CD82: variants seen among roughly 807,000 people sequenced by gnomAD.
The protein encoded by CD82 is CD82 antigen.
Under a neutral mutation model 37.4 loss-of-function variants are expected in CD82, and 36 were observed. The ratio of observed to expected loss-of-function variants is 0.96; its 90% CI spans 0.74 to 1.27. CD82 has a LOEUF of 1.27. Ranked by LOEUF, CD82 falls within the 50% of genes most tolerant of loss-of-function variation. CD82 has a pLI of 0.00. For missense variants in CD82, 340 were observed against 347.0 expected, an observed-to-expected ratio of 0.98 and a Z score of 0.16; for synonymous variants, 158 against 137.4, an observed-to-expected ratio of 1.15 and a Z score of -1.05.
chr11:44,574,486 C>A (rs35224221), intron 1 of CD82, among the ~76,000 whole-genome samples: 6,346 of 152,280 alleles, frequency 0.042, 185 homozygotes, highest in Middle Eastern at 0.085. Context: ...AATCTTGTAG[C>A]AGAAGACCCC....
chr11:44,582,409 C>T (rs1386141661), intron 1 of CD82, among the ~76,000 whole-genome samples: 1 of 152,172 alleles, frequency 6.6e-6, no homozygotes, highest in Non-Finnish European at 1.5e-5. Context: ...CCTAACAGGA[C>T]CTATTCCCAG....
At chr11:44,606,157 T>C (rs1280077163) in intron 6 of CD82, 1 of 152,370 alleles carries the variant, frequency 6.6e-6, no homozygotes, top group African/African-American at 2.4e-5. Context: ...TGTGCCGCTG[T>C]GGCCTGAAGA....
intron 2 of CD82, 150 bp from the exon 3 acceptor site, chr11:44,594,493 C>A: frequency 1.6e-6 from 1 of 616,392 alleles, no homozygotes; most frequent in Non-Finnish European, 2.9e-6. Context: ...ACCTCATTTC[C>A]TAGCTGTGTG....
rs2115665 is a variant in CD82 at position 44,597,490 on chromosome 11, G to A, written c.64-2668G>A. Among the ~76,000 whole-genome samples, 23,454 of 152,286 alleles carry A rather than the reference G, an allele frequency of 0.15. 2,825 individuals carry two copies. The highest frequency in any genetic ancestry group is 0.52 in the East Asian group (2,686 of 5,160). On this transcript the variant is annotated intron_variant, in intron 3 of 9. Transcript: ENST00000227155. This position sits in a 1 kb window ranked among gnomAD's most constrained non-coding sequence, Gnocchi z 4.1. ...TCCTTTCTGGCTCTGCCACAGCCCC[G>A]TGGCTAATCCAGCCACATCTGACCA... is the stretch of plus-strand genomic sequence containing the variant.
rs777659141 is a variant in CD82, at chr11:44,594,838, G to C, written c.63+113G>C. On this transcript the variant is annotated intron_variant, in intron 3 of 9. Coordinates refer to ENST00000227155, the MANE Select transcript of CD82 (RefSeq NM_002231.4). ...GGCCGGGGATTGGGGGGATTTGGTG[G>C]GTAGGGACTGAGGACGAACTATCTC... 7 of 860,162 alleles carry C rather than the reference G, an allele frequency of 8.1e-6. No individual in the cohort carries two copies. In the Admixed American group the frequency reaches 1.3e-4, roughly 15 times the overall value. 53.3% of individuals were successfully genotyped at this position (860,162 alleles called of 1,614,324 possible). A position where few individuals can be genotyped will look rare whatever the true frequency, so the allele number is the denominator to read the frequency against.
At chr11:44,618,522 A>G in intron 8 of CD82, 118 bp from the exon 9 acceptor site, 1 of 1,082,528 alleles carries the variant, frequency 9.2e-7, no homozygotes, top group Non-Finnish European at 1.4e-6. Flanking sequence ...TTATTCAAGG[A>G]ACAGGCAGAG....
intron 1 of CD82, chr11:44,585,163 G>C (rs1853035497): frequency 2.2e-6 from 1 of 455,870 alleles, no homozygotes; most frequent in African/African-American, 2.0e-5. Flanking sequence ...AGGAGCAGCA[G>C]TGGTCATCTT....
At position 44,596,536 on chromosome 11, in the gene CD82, C is replaced by T. The variant is rs1853230134; in HGVS notation, c.63+1811C>T. Among the ~76,000 whole-genome samples, 9 of 152,298 alleles carry T rather than the reference C, an allele frequency of 5.9e-5. No individual in the cohort carries two copies. In the South Asian group the frequency reaches 1.9e-3, roughly 32 times the overall value. ...CCAGGGTGGCCCTTTCTGTCCTGCTCGCAAGTTGCCCTGTGGAACCAGGGA... is the reference window on the plus strand; with the variant it reads ...CCAGGGTGGCCCTTTCTGTCCTGCTTGCAAGTTGCCCTGTGGAACCAGGGA... On this transcript the variant is annotated intron_variant, in intron 3 of 9. Coordinates refer to ENST00000227155, the MANE Select transcript of CD82 (RefSeq NM_002231.4).
chr11:44,601,331 G>A lies in CD82; in HGVS notation c.136+1101G>A, dbSNP rs866546094. ...AGGCCTCCCCTCCAGGAGATGGAAA[G>A]CAAGGATGATCTACACTCTAGCCAC... is the stretch of plus-strand genomic sequence containing the variant. On this transcript the variant is annotated intron_variant, in intron 4 of 9. Coordinates refer to ENST00000227155, the MANE Select transcript of CD82 (RefSeq NM_002231.4). 1.1e-4 allele frequency among the ~76,000 whole-genome samples: 16 copies of A among 144,300 alleles called. No individual in the cohort carries two copies. The South Asian group carries it at 1.4e-3, about 12-fold the overall frequency. 94.7% of individuals were successfully genotyped at this position (144,300 alleles called of 152,430 possible).
At chr11:44,590,115 G>A (rs1853119077) in intron 2 of CD82, among the ~76,000 whole-genome samples, 1 of 151,718 alleles carries the variant, frequency 6.6e-6, no homozygotes, top group South Asian at 2.1e-4. Context: ...TTACAGGTGT[G>A]AGCCACCGCG....
In CD82 at chr11:44,594,645, A is replaced by G; in HGVS notation, c.-18A>G. ...CCTGCCTGCCTTCTCTCTTCCAGGA[A>G]GCTCCAGGACTGGCGGGATGGGCTC... On this transcript the variant is annotated splice_region_variant and 5_prime_UTR_variant, in exon 3 of 10. Transcript: ENST00000227155. 6.2e-7 allele frequency: 1 copy of G among 1,608,086 alleles called. No homozygotes were observed. The highest frequency in any genetic ancestry group is 8.5e-7 in the Non-Finnish European group (1 of 1,174,442).
intron 3 of CD82, chr11:44,594,990 G>C (rs1163867272): frequency 1.4e-5 from 7 of 507,332 alleles, no homozygotes; most frequent in Admixed American, 1.3e-4. Flanking sequence ...CTGGCGGTGG[G>C]TATGGGGAAG....
chr11:44,600,074 C>A, intron 3 of CD82, 84 bp from the exon 4 acceptor site: 1 of 1,433,904 alleles, frequency 7.0e-7, no homozygotes, highest in Non-Finnish European at 9.8e-7. Context: ...GCCCTGCCCA[C>A]CCTGACTTGG....
chr11:44,602,581 C>T (rs1853322771), intron 4 of CD82, among the ~76,000 whole-genome samples: 1 of 152,194 alleles, frequency 6.6e-6, no homozygotes, highest in Non-Finnish European at 1.5e-5. Context: ...GGCAGCAGAG[C>T]TGGGATTAGA....
At chr11:44,607,666 TACAA>T (rs1371067975) in intron 6 of CD82, among the ~76,000 whole-genome samples, 7 of 152,324 alleles carry the variant, frequency 4.6e-5, no homozygotes, top group South Asian at 4.1e-4. Context: ...TGTTCAAATT[TACAA>T]ACATTTTCCA....
Position 44,594,740 on chromosome 11 carries a change from T to C in CD82, c.63+15T>C. On this transcript the variant is annotated intron_variant, in intron 3 of 9. Transcript: ENST00000227155. ...TGATCTTCTTTGTAAGTATGTCCCA[T>C]GCCGTCCTGACCACCTCCGAAAAGA... The C allele has an allele frequency of 6.2e-7, 1 of 1,607,682 alleles. No individual in the cohort carries two copies. The highest frequency in any genetic ancestry group is 8.5e-7 in the Non-Finnish European group (1 of 1,174,162).
rs138793220 is a variant in CD82 at position 44,615,305 on chromosome 11, C to T, written c.370C>T (p.Leu124Phe). 85 of 1,613,268 alleles carry T rather than the reference C, an allele frequency of 5.3e-5. No individual in the cohort carries two copies. The highest frequency in any genetic ancestry group is 6.9e-5 in the Non-Finnish European group (81 of 1,179,324). The change falls in exon 7 of 10, where the codon CTC (leucine) becomes TTC (phenylalanine). Residue 124 changes from leucine to phenylalanine, a missense_variant. Leu to Phe is a conservative substitution (Grantham distance 22). Coordinates refer to ENST00000227155, the MANE Select transcript of CD82 (RefSeq NM_002231.4). The stretch of plus-strand genomic sequence containing the variant: ...GGAGATGGGCGGCATCGTGACTGAG[C>T]TCATTCGAGACTACAACAGCAGTCG... ...KQEMGGIVTELIRDYNSSRED... is the reference protein window; with the variant it reads ...KQEMGGIVTEFIRDYNSSRED...
At chr11:44,611,347 T>C (rs1331705966) in intron 6 of CD82, among the ~76,000 whole-genome samples, 3 of 152,140 alleles carry the variant, frequency 2.0e-5, no homozygotes, top group African/African-American at 4.8e-5. Context: ...GGCTCCCTTC[T>C]CGGGCAGGCT....
chr11:44,613,823 AAAAAC>A (rs1461900935), intron 6 of CD82, among the ~76,000 whole-genome samples: 2 of 138,948 alleles, frequency 1.4e-5, no homozygotes, highest in South Asian at 2.7e-4. Flanking sequence ...CCTGTCTCAA[AAAAAC>A]AAAACAAAGC....
Sources: allele counts gnomAD v4.1 joint callset (sites outside exome capture counted in the v4.1 genomes callset), GRCh38; gene constraint gnomAD v4.1.1; non-coding constraint Gnocchi (gnomAD v3.1); transcripts MANE v1.5; gene names NCBI Gene and HGNC (gene_info 2026-07-23, HGNC 2026-07-21).